ZNF550: variants seen among roughly 807,000 people sequenced by gnomAD.
ZNF550 encodes zinc finger protein 550.
Under a neutral mutation model 40.2 loss-of-function variants are expected in ZNF550, and 42 were observed. The observed-to-expected ratio is 1.05, with a 90% confidence interval of 0.82 to 1.35. The LOEUF (loss-of-function observed/expected upper bound fraction) is 1.35, where lower values mean the gene tolerates loss of function less well. ZNF550 is among the 40% of genes most tolerant of loss of function. The probability of loss-of-function intolerance (pLI) is 0.00; values close to 1 mark genes in which losing one functional copy is unlikely to be tolerated. For synonymous variants in ZNF550, 223 were observed against 198.6 expected, an observed-to-expected ratio of 1.12 and a Z score of -1.03; for missense variants, 549 against 525.2, an observed-to-expected ratio of 1.05 and a Z score of -0.44.
At position 57,552,656 on chromosome 19, in the gene ZNF550, T is replaced by C. The variant is rs1403290561; in HGVS notation, c.221A>G (p.Lys74Arg). 1.9e-6 allele frequency: 3 copies of C among 1,598,030 alleles called. No homozygotes were observed. The African/African-American group carries it at 4.0e-5, about 21-fold the overall frequency. ...ACAGGTAGCATGTGAGAGGCCTCTC[T>C]TCACTATCCACAGCTCCTGCCCATG... The change falls in exon 3 of 5, where the codon AAG (lysine) becomes AGG (arginine). Residue 74 changes from lysine (K) to arginine (R), a missense_variant. Lys to Arg is a conservative substitution (Grantham distance 26, BLOSUM62 2). Coordinates refer to ENST00000457177, the Ensembl canonical transcript of ZNF550.
In ZNF550 at chr19:57,543,895, G is replaced by A. The variant is rs955878203; in HGVS notation, c.*519-652C>T. On this transcript the variant is annotated intron_variant, in intron 4 of 4. Coordinates refer to ENST00000457177, the Ensembl canonical transcript of ZNF550. The stretch of plus-strand genomic sequence containing the variant: ...AGAAGTTGCAGTGAGCTGAGATGGC[G>A]CCACTGCACTCCAGCCTGGGCAACA... 8 of 863,712 alleles carry A rather than the reference G, an allele frequency of 9.3e-6. No individual in the cohort carries two copies. In the East Asian group the frequency reaches 3.6e-4, roughly 39 times the overall value. 53.5% of individuals were successfully genotyped at this position (863,712 alleles called of 1,614,324 possible).
intron 4 of ZNF550, among the ~76,000 whole-genome samples, chr19:57,545,690 T>C (rs933108455): frequency 6.6e-6 from 1 of 152,104 alleles, no homozygotes; most frequent in African/African-American, 2.4e-5. Context: ...GAGACAAATC[T>C]GGGGAACACA....
intron 1 of ZNF550, 51 bp downstream of exon 1, chr19:57,559,605 C>A (rs1018180093): frequency 2.8e-6 from 4 of 1,448,566 alleles, no homozygotes; most frequent in Non-Finnish European, 2.8e-6. Context: ...GCTCGTCGGG[C>A]CCGGGACACT....
chr19:57,556,388 G>C (rs764144446), intron 1 of ZNF550, 31 bp from the exon 2 acceptor site: 1 of 1,600,584 alleles, frequency 6.2e-7, no homozygotes, highest in Non-Finnish European at 8.5e-7. Context: ...AATGCTATTG[G>C]CCTTGTGTTG....
chr19:57,557,533 A>G (rs8111574), intron 1 of ZNF550: 56,312 of 151,906 alleles, frequency 0.37, 10,596 homozygotes, highest in Middle Eastern at 0.45. Context: ...AAATACTGAG[A>G]GAACTCAGAG....
chr19:57,550,948 A>C (rs1167282381), intron 3 of ZNF550, among the ~76,000 whole-genome samples: 1 of 152,256 alleles, frequency 6.6e-6, no homozygotes, highest in African/African-American at 2.4e-5. Context: ...GTTTTCGCCA[A>C]GTGTAAGCAA....
At chr19:57,550,477 T>C (rs1415631022) in intron 3 of ZNF550, among the ~76,000 whole-genome samples, 4 of 152,222 alleles carry the variant, frequency 2.6e-5, no homozygotes, top group African/African-American at 4.8e-5. Flanking sequence ...CATAATTTTA[T>C]GGTACACAGC....
chr19:57,557,074 G>C (rs1003571631), intron 1 of ZNF550: 2 of 152,186 alleles, frequency 1.3e-5, no homozygotes, highest in Non-Finnish European at 2.9e-5. Flanking sequence ...GAGACAGCCT[G>C]AGATGTGGCC....
Position 57,544,011 on chromosome 19 carries a change from C to T in ZNF550, c.*519-768G>A, listed in dbSNP as rs139445271. ...AACATACAGAAGTTCACAACTTTTA[C>T]TGTAAGTTCAAAACTTCTACTGACT... On this transcript the variant is annotated intron_variant, in intron 4 of 4. Transcript: ENST00000457177. The T allele has an allele frequency of 5.2e-4, 515 of 985,454 alleles. 6 individuals carry two copies. The African/African-American group carries it at 8.6e-3, about 16-fold the overall frequency. The allele number at this position is 985,454 out of a possible 1,614,324, so 61.0% of individuals were successfully genotyped here.
At chr19:57,555,858 C>T (rs1339763147) in intron 2 of ZNF550, 6 of 274,708 alleles carry the variant, frequency 2.2e-5, no homozygotes, top group South Asian at 3.7e-5. Context: ...GGAAGATATC[C>T]GAGGGGCACT....
chr19:57,547,399 G>GT lies in ZNF550; in HGVS notation c.844dup (p.Thr282AsnfsTer7), dbSNP rs750966283. ...ACTACACTCATAGGGTTTCTCTCCA[G>GT]TGTGGATTGGATGGTGCTGCATGAG... On this transcript the variant is annotated frameshift_variant, in exon 4 of 5. Transcript: ENST00000457177. LOFTEE classifies it high-confidence loss of function. 1.2e-6 allele frequency: 2 copies of GT among 1,613,542 alleles called. No individual in the cohort carries two copies. Among genetic ancestry groups the GT allele is most frequent in the Admixed American group, 3.3e-5 (2 of 59,984 alleles).
exon 4 of ZNF550, chr19:57,547,552 T>C: frequency 6.2e-7 from 1 of 1,614,212 alleles, no homozygotes; most frequent in Non-Finnish European, 8.5e-7. Flanking sequence ...ATTGCATTCA[T>C]AGGGTTTCAT....
intron 1 of ZNF550, among the ~76,000 whole-genome samples, chr19:57,559,395 C>T (rs1458410707): frequency 6.6e-6 from 1 of 152,196 alleles, no homozygotes; most frequent in East Asian, 1.9e-4. Flanking sequence ...GGACTGCGGT[C>T]GCTCCTCTCA....
intron 3 of ZNF550, among the ~76,000 whole-genome samples, chr19:57,549,458 G>T (rs145749832): frequency 0.014 from 2,201 of 152,064 alleles, 39 homozygotes; most frequent in South Asian, 0.048. Flanking sequence ...AGAAGAAAAA[G>T]AAAAATAAAA....
chr19:57,548,088 T>C, intron 3 of ZNF550, 95 bp from the exon 4 acceptor site: 2 of 1,155,680 alleles, frequency 1.7e-6, no homozygotes, highest in Non-Finnish European at 2.5e-6. Flanking sequence ...AAGATGAAAA[T>C]AGTGCCTATG....
intron 4 of ZNF550, chr19:57,543,854 C>T (rs930630506): frequency 1.6e-6 from 1 of 619,162 alleles, no homozygotes; most frequent in Admixed American, 6.3e-5. Context: ...AGGAGAATCC[C>T]TTGAACTCGG....
At position 57,541,968 on chromosome 19, in the gene ZNF550, A is replaced by ATAAT. The variant is rs1308194802; in HGVS notation, c.*1790_*1793dup. 3.3e-5 allele frequency: 5 copies of ATAAT among 152,298 alleles called. No individual in the cohort carries two copies. The East Asian group carries it at 7.7e-4, about 24-fold the overall frequency. 9.4% of individuals were successfully genotyped at this position (152,298 alleles called of 1,614,324 possible). Reference sequence around the variant, plus strand: ...CAATAGTATCAAGGGACTAGCCCATATAATATACTTGAAAATCGTATTAAT... The same window carrying ATAAT: ...CAATAGTATCAAGGGACTAGCCCATATAATTAATATACTTGAAAATCGTATTAAT... On this transcript the variant is annotated 3_prime_UTR_variant, in exon 5 of 5. Transcript: ENST00000457177.
chr19:57,559,030 G>A (rs868097693), intron 1 of ZNF550, among the ~76,000 whole-genome samples: 7 of 152,150 alleles, frequency 4.6e-5, no homozygotes, highest in Admixed American at 2.6e-4. Context: ...TGGCATAGCA[G>A]CAACCGCAGA....
At chr19:57,552,790 T>A in intron 2 of ZNF550, 68 bp from the exon 3 acceptor site, 1 of 1,201,668 alleles carries the variant, frequency 8.3e-7, no homozygotes, top group Non-Finnish European at 1.2e-6. Context: ...CCATCTTGCC[T>A]AGGACTTCAT....
Sources: gnomAD v4.1 joint callset for allele counts (sites outside exome capture counted in the v4.1 genomes callset) on GRCh38, gnomAD v4.1.1 for gene constraint, MANE v1.5 for transcripts, NCBI Gene and HGNC (gene_info 2026-07-23, HGNC 2026-07-21) for gene names.